Variants in TACR1 observed in about 807,000 individuals in gnomAD.
TACR1 encodes the protein tachykinin receptor 1.
TACR1 carries 25 observed loss-of-function variants against 35.8 expected under a neutral mutation model. The ratio of observed to expected loss-of-function variants is 0.70; its 90% CI spans 0.51 to 0.98. The LOEUF (loss-of-function observed/expected upper bound fraction) is 0.98, where lower values mean the gene tolerates loss of function less well. Among genes scored for constraint, TACR1 ranks in the 50% least tolerant of loss-of-function variants. The pLI is 0.00. For synonymous variants in TACR1, 195 were observed against 206.7 expected (o/e 0.94, Z 0.48); for missense variants, 478 against 522.9 (o/e 0.91, Z 0.84).
chr2:75,185,326 CTT>C (rs927075305), intron 1 of TACR1, among the ~76,000 whole-genome samples: 1 of 151,818 alleles, frequency 6.6e-6, no homozygotes, highest in African/African-American at 2.4e-5. Flanking sequence ...TGAGGAAGGT[CTT>C]TTTATGCATA....
intron 1 of TACR1, among the ~76,000 whole-genome samples, chr2:75,121,510 C>G (rs1000760702): frequency 1.3e-5 from 2 of 152,208 alleles, no homozygotes; most frequent in African/African-American, 4.8e-5. Context: ...TCCATCGCTT[C>G]ATTCCTGGGC....
chr2:75,078,537 T>C (rs1267311510), intron 2 of TACR1, among the ~76,000 whole-genome samples: 1 of 152,208 alleles, frequency 6.6e-6, no homozygotes, highest in Non-Finnish European at 1.5e-5. Context: ...TTTTTTTCTT[T>C]GTATTAAGAT....
chr2:75,122,507 G>A (rs906434195), intron 1 of TACR1, among the ~76,000 whole-genome samples: 1 of 152,162 alleles, frequency 6.6e-6, no homozygotes, highest in Non-Finnish European at 1.5e-5. Flanking sequence ...GACACTTCAT[G>A]CCAACCTTTA....
At chr2:75,057,788 G>A (rs559682532) in intron 2 of TACR1, among the ~76,000 whole-genome samples, 38 of 152,250 alleles carry the variant, frequency 2.5e-4, no homozygotes, top group African/African-American at 8.9e-4. Flanking sequence ...CAGAAAGGTC[G>A]AAATGAAGTA....
At chr2:75,080,167 G>A (rs1336138616) in intron 2 of TACR1, among the ~76,000 whole-genome samples, 2 of 152,096 alleles carry the variant, frequency 1.3e-5, no homozygotes, top group Admixed American at 1.3e-4. Context: ...AATTAAGTTG[G>A]TGTAAATATT....
chr2:75,185,165 A>G (rs186105201), intron 1 of TACR1, among the ~76,000 whole-genome samples: 1 of 152,098 alleles, frequency 6.6e-6, no homozygotes, highest in East Asian at 1.9e-4. Flanking sequence ...CAATCAATAA[A>G]TGGTGTTTGA....
intron 1 of TACR1, among the ~76,000 whole-genome samples, chr2:75,170,974 G>A (rs972146516): frequency 1.3e-5 from 2 of 152,170 alleles, no homozygotes; most frequent in Non-Finnish European, 2.9e-5. Flanking sequence ...TTTGCAGCCT[G>A]ATGATGCGAT....
At chr2:75,114,511 C>T (rs1219971471) in intron 2 of TACR1, among the ~76,000 whole-genome samples, 1 of 152,148 alleles carries the variant, frequency 6.6e-6, no homozygotes, top group African/African-American at 2.4e-5. Context: ...CCATTGCCAC[C>T]CTACAGCCCA....
At chr2:75,182,836 A>G (rs1572986433) in intron 1 of TACR1, among the ~76,000 whole-genome samples, 1 of 152,296 alleles carries the variant, frequency 6.6e-6, no homozygotes, top group South Asian at 2.1e-4. Context: ...CCAATGACGC[A>G]TTTCTCAGAA....
At chr2:75,165,152 A>C (rs926434535) in intron 1 of TACR1, among the ~76,000 whole-genome samples, 1 of 152,204 alleles carries the variant, frequency 6.6e-6, no homozygotes, top group Non-Finnish European at 1.5e-5. Context: ...AAAACCACTA[A>C]GACAAAATAC....
chr2:75,187,456 C>T (rs1327506335), intron 1 of TACR1: 2 of 152,184 alleles, frequency 1.3e-5, no homozygotes, highest in African/African-American at 4.8e-5. Flanking sequence ...TTCTGTATTA[C>T]CTAAACTCCG....
At chr2:75,059,218 C>T (rs1446993888) in intron 2 of TACR1, among the ~76,000 whole-genome samples, 1 of 152,212 alleles carries the variant, frequency 6.6e-6, no homozygotes, top group East Asian at 1.9e-4. Flanking sequence ...CATCCAGAAT[C>T]TTCTTGAATA....
intron 2 of TACR1, among the ~76,000 whole-genome samples, chr2:75,062,454 T>G (rs558408975): frequency 4.6e-5 from 7 of 152,348 alleles, no homozygotes; most frequent in Admixed American, 1.3e-4. Context: ...TATGTCACAA[T>G]CATCTTTTTA....
chr2:75,154,407 C>CGT (rs572216163), intron 1 of TACR1: 1 of 88,404 alleles, frequency 1.1e-5, no homozygotes, highest in Admixed American at 1.2e-4. Flanking sequence ...CAAGAGCGCG[C>CGT]ACGCACACAC....
At chr2:75,093,434 G>A (rs554975442) in intron 2 of TACR1, among the ~76,000 whole-genome samples, 1 of 152,290 alleles carries the variant, frequency 6.6e-6, no homozygotes, top group South Asian at 2.1e-4. Flanking sequence ...CAGAATGAGT[G>A]TGATCTACTG....
intron 2 of TACR1, among the ~76,000 whole-genome samples, chr2:75,058,289 A>G (rs1227352035): frequency 6.6e-6 from 1 of 152,206 alleles, no homozygotes; most frequent in Non-Finnish European, 1.5e-5. Context: ...CTTGTAGTTA[A>G]CTGGAGATAT....
intron 2 of TACR1, among the ~76,000 whole-genome samples, chr2:75,084,608 T>C (rs920006028): frequency 1.3e-5 from 2 of 152,216 alleles, no homozygotes; most frequent in Non-Finnish European, 2.9e-5. Flanking sequence ...TTTCAGAGCC[T>C]GTTATTGGTC....
chr2:75,071,490 C>T (rs1572911927), intron 2 of TACR1, among the ~76,000 whole-genome samples: 1 of 152,230 alleles, frequency 6.6e-6, no homozygotes, highest in East Asian at 1.9e-4. Context: ...CTTACATTTT[C>T]ATTAACTGAT....
At chr2:75,156,589 C>T (rs1339366919) in intron 1 of TACR1, among the ~76,000 whole-genome samples, 9 of 126,206 alleles carry the variant, frequency 7.1e-5, no homozygotes, top group African/African-American at 2.4e-4. Context: ...GGTAACAGAG[C>T]GAGACTCCGT....
Sources: gnomAD v4.1 joint callset for allele counts (sites outside exome capture counted in the v4.1 genomes callset) on GRCh38, gnomAD v4.1.1 for gene constraint, MANE v1.5 for transcripts, NCBI Gene and HGNC (gene_info 2026-07-23, HGNC 2026-07-21) for gene names.